Variants in TMIGD3 observed in about 807,000 individuals in gnomAD.
TMIGD3 encodes AD026 protein (AD026).
TMIGD3 carries 21 observed loss-of-function variants against 28.1 expected under a neutral mutation model. The ratio of observed to expected loss-of-function variants is 0.75; its 90% CI spans 0.53 to 1.08. TMIGD3 has a LOEUF of 1.08. TMIGD3 is among the 50% of genes least tolerant of loss of function. The pLI is 0.00. For synonymous variants in TMIGD3, 151 were observed against 162.1 expected, an observed-to-expected ratio of 0.93 and a Z score of 0.52; for missense variants, 416 against 435.6, an observed-to-expected ratio of 0.96 and a Z score of 0.40.
At chr1:111,505,124 CAAAAAAA>C (rs754473063), upstream of TMIGD3, 14 of 103,394 alleles carry the variant, frequency 1.4e-4, no homozygotes, top group East Asian at 5.1e-4. Flanking sequence ...AGCACTCTGC[CAAAAAAA>C]AAAAAAAAAA....
intron 1 of TMIGD3, among the ~76,000 whole-genome samples, chr1:111,528,097 T>C (rs1656332827): frequency 6.6e-6 from 1 of 152,250 alleles, no homozygotes; most frequent in Non-Finnish European, 1.5e-5. Context: ...CATCTAGATT[T>C]TCTCCTGCAT....
At chr1:111,509,162 A>C (rs1233996058) in intron 1 of TMIGD3, among the ~76,000 whole-genome samples, 2 of 152,162 alleles carry the variant, frequency 1.3e-5, no homozygotes, top group Non-Finnish European at 2.9e-5. Context: ...GCTTAAGATG[A>C]GAATGGGGAA....
At chr1:111,551,032 T>C (rs74112326) in intron 1 of TMIGD3, among the ~76,000 whole-genome samples, 9,631 of 152,274 alleles carry the variant, frequency 0.063, 604 homozygotes, top group East Asian at 0.32. Flanking sequence ...CACATTTGTC[T>C]GGTTTTAGGA....
chr1:111,539,576 A>G (rs1210671463), intron 1 of TMIGD3, among the ~76,000 whole-genome samples: 2 of 152,190 alleles, frequency 1.3e-5, no homozygotes, highest in Admixed American at 1.3e-4. Flanking sequence ...GATTACAGGA[A>G]TGAGCCACTG....
At chr1:111,487,958 C>A (rs1182836340) in intron 3 of TMIGD3, among the ~76,000 whole-genome samples, 1 of 151,972 alleles carries the variant, frequency 6.6e-6, no homozygotes, top group Non-Finnish European at 1.5e-5. Flanking sequence ...GCAGGCACCA[C>A]CACATCCAGC....
At chr1:111,532,896 A>T (rs200110375) in intron 1 of TMIGD3, among the ~76,000 whole-genome samples, 2 of 152,188 alleles carry the variant, frequency 1.3e-5, no homozygotes, top group Non-Finnish European at 2.9e-5. Context: ...AATCTATTGG[A>T]GTGAGACTAC....
chr1:111,492,771 G>A (rs1366332008), intron 1 of TMIGD3, among the ~76,000 whole-genome samples: 11 of 146,232 alleles, frequency 7.5e-5, no homozygotes, highest in Non-Finnish European at 1.0e-4. Context: ...CCGAGATCAC[G>A]CCACTGTACT....
At chr1:111,508,223 C>T (rs1420336179), upstream of TMIGD3, among the ~76,000 whole-genome samples, 5 of 152,252 alleles carry the variant, frequency 3.3e-5, no homozygotes, top group Admixed American at 6.5e-5. Flanking sequence ...GTCAGGAGGT[C>T]TCCAGGCCCT....
rs151336783 is a variant in TMIGD3, at chr1:111,531,261, G to A, written c.107+32585C>T. Among the ~76,000 whole-genome samples, 937 of 150,632 alleles carry A rather than the reference G, an allele frequency of 6.2e-3. 10 individuals are homozygous for A. Among genetic ancestry groups the A allele is most frequent in the African/African-American group, 0.022 (899 of 40,998 alleles). On this transcript the variant is annotated intron_variant, in intron 1 of 5. Coordinates refer to the TMIGD3 transcript ENST00000369717. ...CCACTGAATTCCAGCCTGGGTGACA[G>A]AGCAACACCTGTCTCCAGAAAAGAA...
In TMIGD3 at chr1:111,483,741, C is replaced by T; in HGVS notation, c.990G>A (p.Lys330=). The change falls in exon 6 of 6, where the codon AAG becomes AAA. Residue 330 remains lysine (K), a synonymous_variant. Coordinates refer to ENST00000369716, the MANE Select transcript of TMIGD3 (RefSeq NM_020683.7). ...QRNRRVGNTL[K]PFSRVLTPKE... Reference sequence around the variant, plus strand: ...TTGGAGTCAGGACACGCGAGAAGGGCTTCAAAGTGTTGCCTACTTTGTTGG... The same window carrying T: ...TTGGAGTCAGGACACGCGAGAAGGGTTTCAAAGTGTTGCCTACTTTGTTGG... 6.2e-7 allele frequency: 1 copy of T among 1,614,022 alleles called. No individual in the cohort carries two copies. The highest frequency in any genetic ancestry group is 1.1e-5 in the South Asian group (1 of 91,080).
intron 1 of TMIGD3, among the ~76,000 whole-genome samples, chr1:111,495,420 C>T (rs1277717744): frequency 6.6e-6 from 1 of 152,180 alleles, no homozygotes. Flanking sequence ...GAGATACCAT[C>T]TCACACCAGT....
intron 1 of TMIGD3, among the ~76,000 whole-genome samples, chr1:111,533,399 T>C (rs752564709): frequency 6.6e-6 from 1 of 152,228 alleles, no homozygotes; most frequent in Non-Finnish European, 1.5e-5. Flanking sequence ...AGTTTAAGAA[T>C]GATACCAAAA....
intron 1 of TMIGD3, among the ~76,000 whole-genome samples, chr1:111,502,316 AAT>A (rs1156402200): frequency 5.0e-4 from 39 of 78,340 alleles, no homozygotes; most frequent in East Asian, 1.5e-3. Context: ...CATTATAATG[AAT>A]ATATATAGGA....
chr1:111,497,027 AAT>A (rs1268959937), intron 1 of TMIGD3, among the ~76,000 whole-genome samples: 1 of 152,214 alleles, frequency 6.6e-6, no homozygotes, highest in Non-Finnish European at 1.5e-5. Context: ...ATTCCTTTAG[AAT>A]AAAAGCCCGC....
chr1:111,486,624 G>A lies in TMIGD3; in HGVS notation c.834C>T (p.Cys278=). 1.9e-6 allele frequency: 3 copies of A among 1,612,752 alleles called. No individual in the cohort carries two copies. Among genetic ancestry groups the A allele is most frequent in the African/African-American group, 2.7e-5 (2 of 74,922 alleles). Residue 278 remains cysteine (C), a synonymous_variant, in exon 4 of 6, where the codon TGC becomes TGT. Coordinates refer to ENST00000369716, the MANE Select transcript of TMIGD3 (RefSeq NM_020683.7). ...CCTTGCGGACAACTTTGGGAGCCTT[G>A]CAGCTTCTGGTTTTGTTGCCTGATA... The part of the protein sequence containing the change: ...KDLSGNKTRS[C]KAPKVVRKAD...
intron 1 of TMIGD3, among the ~76,000 whole-genome samples, chr1:111,530,720 T>G (rs1656430932): frequency 6.6e-6 from 1 of 152,012 alleles, no homozygotes; most frequent in Admixed American, 6.6e-5. Flanking sequence ...AATGTAGGGG[T>G]TTTTTTTCTG....
At chr1:111,497,408 C>A (rs1023346897) in intron 1 of TMIGD3, among the ~76,000 whole-genome samples, 16 of 152,216 alleles carry the variant, frequency 1.1e-4, no homozygotes, top group Non-Finnish European at 2.2e-4. Flanking sequence ...CTGCACCCGG[C>A]TCCTGTAACA....
intron 1 of TMIGD3, among the ~76,000 whole-genome samples, chr1:111,540,316 C>T (rs989381126): frequency 6.6e-5 from 10 of 152,232 alleles, no homozygotes; most frequent in African/African-American, 2.4e-4. Context: ...ATGCAGCTCA[C>T]GTGTACGTGA....
chr1:111,528,132 T>C (rs1656333838), intron 1 of TMIGD3, among the ~76,000 whole-genome samples: 2 of 152,226 alleles, frequency 1.3e-5, no homozygotes, highest in South Asian at 4.1e-4. Flanking sequence ...CTTATAGTTT[T>C]GCATTTTATG....
Sources: allele counts gnomAD v4.1 joint callset (sites outside exome capture counted in the v4.1 genomes callset), GRCh38; gene constraint gnomAD v4.1.1; transcripts MANE v1.5; gene names NCBI Gene and HGNC (gene_info 2026-07-23, HGNC 2026-07-21).